SUGT1: variants seen among roughly 807,000 people sequenced by gnomAD.
SUGT1 encodes protein SGT1 homolog.
SUGT1 carries 15 observed loss-of-function variants against 56.1 expected under a neutral mutation model. The ratio of observed to expected loss-of-function variants is 0.27; its 90% confidence interval spans 0.18 to 0.41. SUGT1 has a LOEUF of 0.41. SUGT1 is among the 10% of genes least tolerant of loss of function. The probability of loss-of-function intolerance (pLI) is 1.00; values close to 1 mark genes in which losing one functional copy is unlikely to be tolerated. For missense variants in SUGT1, 347 were observed against 382.2 expected (o/e 0.91, Z 0.77); for synonymous variants, 123 against 128.6 (o/e 0.96, Z 0.30).
chr13:52,658,610 A>G, intron 4 of SUGT1, 142 bp downstream of exon 4: 1 of 718,026 alleles, frequency 1.4e-6, no homozygotes. Context: ...TCAATTTTAA[A>G]TACAACTTAT....
At position 52,679,958 on chromosome 13, in the gene SUGT1, T is replaced by A; in HGVS notation, c.719-16T>A. On this transcript the variant is annotated splice_polypyrimidine_tract_variant and intron_variant, in intron 11 of 12. Transcript: ENST00000310528. ...AACATGTTGATTAATTACTTCTGCC[T>A]TTTTTTACTTCATAGATGTAAAGAA... 1 of 1,561,636 alleles carries A rather than the reference T, an allele frequency of 6.4e-7. No individual in the cohort carries two copies. The highest frequency in any genetic ancestry group is 8.6e-7 in the Non-Finnish European group (1 of 1,162,118).
At chr13:52,686,550 A>T (rs1963596310) in intron 12 of SUGT1, among the ~76,000 whole-genome samples, 1 of 152,306 alleles carries the variant, frequency 6.6e-6, no homozygotes, top group African/African-American at 2.4e-5. Context: ...TGTTTGGAAG[A>T]TGACTAAGGA....
At chr13:52,675,033 C>T (rs1963088239) in intron 10 of SUGT1, among the ~76,000 whole-genome samples, 1 of 152,076 alleles carries the variant, frequency 6.6e-6, no homozygotes, top group Non-Finnish European at 1.5e-5. Context: ...CTTCTCAGTA[C>T]TCCCCGATGC....
rs1963698841 is a variant in SUGT1 at position 52,689,162 on chromosome 13, G to C, written c.*1327G>C. On this transcript the variant is annotated 3_prime_UTR_variant, in exon 13 of 13. Coordinates refer to ENST00000310528, the MANE Select transcript of SUGT1 (RefSeq NM_006704.5). ...GTCCTTTGTTGTGGGGTGTAGGGGA[G>C]TTACTAAGGAAAGTTTCAGTAAGGT... 1 of 152,128 alleles carries C rather than the reference G, an allele frequency of 6.6e-6. No homozygotes were observed. The highest frequency in any genetic ancestry group is 1.5e-5 in the Non-Finnish European group (1 of 68,048). The allele number at this position is 152,128 out of a possible 1,614,324, so 9.4% of individuals were successfully genotyped here. A position where few individuals can be genotyped will look rare whatever the true frequency, so the allele number is the denominator to read the frequency against.
At chr13:52,666,116 C>T (rs868442942) in intron 9 of SUGT1, among the ~76,000 whole-genome samples, 33 of 152,158 alleles carry the variant, frequency 2.2e-4, no homozygotes, top group African/African-American at 7.2e-5. Flanking sequence ...GAGACAGAGT[C>T]TCGCTCTTGC....
At chr13:52,677,700 ATTCTG>A (rs1339413351) in intron 11 of SUGT1, among the ~76,000 whole-genome samples, 2 of 136,784 alleles carry the variant, frequency 1.5e-5, no homozygotes, top group Non-Finnish European at 3.1e-5. Context: ...GGGTCCAGTT[ATTCTG>A]TTAACCCGTT....
intron 12 of SUGT1, among the ~76,000 whole-genome samples, chr13:52,686,100 G>A (rs1319941460): frequency 6.6e-6 from 1 of 151,912 alleles, no homozygotes; most frequent in Non-Finnish European, 1.5e-5. Flanking sequence ...GCTAATTTTT[G>A]TAGTTTTAGT....
Position 52,659,267 on chromosome 13 carries a change from T to G in SUGT1, c.328+18T>G. ...ATTAGATAGTAAGTATTAAAAATTA[T>G]ACTTTAATAAACTTATCTATTTCTG... On this transcript the variant is annotated intron_variant, in intron 5 of 12. Transcript: ENST00000310528. 1 of 1,394,158 alleles carries G rather than the reference T, an allele frequency of 7.2e-7. No homozygotes were observed. The highest frequency in any genetic ancestry group is 1.5e-5 in the African/African-American group (1 of 65,008). The allele number at this position is 1,394,158 out of a possible 1,614,324, so 86.4% of individuals were successfully genotyped here.
intron 4 of SUGT1, among the ~76,000 whole-genome samples, chr13:52,658,853 G>A (rs1374121444): frequency 6.7e-6 from 1 of 149,096 alleles, no homozygotes; most frequent in East Asian, 2.0e-4. Flanking sequence ...CGCTATATCT[G>A]TATACTTTAT....
intron 12 of SUGT1, among the ~76,000 whole-genome samples, chr13:52,686,201 T>C (rs1291106574): frequency 1.3e-5 from 2 of 152,174 alleles, no homozygotes; most frequent in African/African-American, 4.8e-5. Flanking sequence ...ATGCTGGAAT[T>C]ACAGGTGTGA....
Position 52,695,661 on chromosome 13 carries a change from G to A in SUGT1, c.*7826G>A, listed in dbSNP as rs1963908169. On this transcript the variant is annotated 3_prime_UTR_variant, in exon 13 of 13. Transcript: ENST00000310528. ...CAAGAGTTTTCAGAATTCAACCCCA[G>A]CCAAAATTTTTGGCCACATCTCTTG... The A allele has an allele frequency of 6.6e-6, 1 of 152,132 alleles. No individual in the cohort carries two copies. Among genetic ancestry groups the A allele is most frequent in the Admixed American group, 6.5e-5 (1 of 15,274 alleles). 9.4% of individuals were successfully genotyped at this position (152,132 alleles called of 1,614,324 possible).
chr13:52,665,433 A>T (rs1458304435), intron 8 of SUGT1, among the ~76,000 whole-genome samples: 4 of 152,222 alleles, frequency 2.6e-5, no homozygotes, highest in African/African-American at 4.8e-5. Context: ...GAAAGGTGTG[A>T]GCATCATTTA....
rs1282960186 is a variant in SUGT1, at chr13:52,691,077, G to C, written c.*3242G>C. 1 of 151,896 alleles carries C rather than the reference G, an allele frequency of 6.6e-6. No homozygotes were observed. The highest frequency in any genetic ancestry group is 1.5e-5 in the Non-Finnish European group (1 of 68,028). The allele number at this position is 151,896 out of a possible 1,614,324, so 9.4% of individuals were successfully genotyped here. On this transcript the variant is annotated 3_prime_UTR_variant, in exon 13 of 13. Coordinates refer to ENST00000310528, the MANE Select transcript of SUGT1 (RefSeq NM_006704.5). ...GGCTCACTGTAGCCTTAATCTTTCA[G>C]GCTCAAATGATTCTCCCATCTCAGC...
chr13:52,663,693 C>A (rs1314569696), intron 7 of SUGT1, among the ~76,000 whole-genome samples: 1 of 152,150 alleles, frequency 6.6e-6, no homozygotes, highest in Non-Finnish European at 1.5e-5. Context: ...TAGGAAGTTG[C>A]TGAATCTTAG....
In SUGT1 at chr13:52,657,706, A is replaced by T. The variant is rs1277984608; in HGVS notation, c.187+84A>T. 6 of 1,288,788 alleles carry T rather than the reference A, an allele frequency of 4.7e-6. No individual in the cohort carries two copies. In the East Asian group the frequency reaches 1.5e-4, roughly 32 times the overall value. 79.8% of individuals were successfully genotyped at this position (1,288,788 alleles called of 1,614,324 possible). A position where few individuals can be genotyped will look rare whatever the true frequency, so the allele number is the denominator to read the frequency against. On this transcript the variant is annotated intron_variant, in intron 3 of 12. Coordinates refer to ENST00000310528, the MANE Select transcript of SUGT1 (RefSeq NM_006704.5). ...CATGACAAATTAAAAGTTGTCTTTGAGAATTTTTAAATTGGTCTTTTATAC... is the reference window on the plus strand; with the variant it reads ...CATGACAAATTAAAAGTTGTCTTTGTGAATTTTTAAATTGGTCTTTTATAC...
At chr13:52,654,854 C>T (rs1200322399) in intron 2 of SUGT1, among the ~76,000 whole-genome samples, 1 of 152,204 alleles carries the variant, frequency 6.6e-6, no homozygotes, top group East Asian at 1.9e-4. Flanking sequence ...CAGTGGACAT[C>T]TGGGTTATTT....
chr13:52,696,168 AC>A lies in SUGT1; in HGVS notation c.*8335del, dbSNP rs2138197103. 6.6e-6 allele frequency: 1 copy of A among 152,404 alleles called. No homozygotes were observed. The highest frequency in any genetic ancestry group is 2.1e-4 in the South Asian group (1 of 4,822). 9.4% of individuals were successfully genotyped at this position (152,404 alleles called of 1,614,324 possible). On this transcript the variant is annotated 3_prime_UTR_variant, in exon 13 of 13. Transcript: ENST00000310528. ...TAGCTTCCATCTTTGTATGTGTAGCACCTGGTACATAGAGAACAGGCTCCCA... is the reference window on the plus strand; with the variant it reads ...TAGCTTCCATCTTTGTATGTGTAGCACTGGTACATAGAGAACAGGCTCCCA...
intron 12 of SUGT1, among the ~76,000 whole-genome samples, chr13:52,683,907 G>C (rs76523520): frequency 1.3e-5 from 2 of 152,126 alleles, no homozygotes; most frequent in East Asian, 3.9e-4. Context: ...TCTTGAGACG[G>C]CATTTTTCTA....
At chr13:52,666,687 A>C in intron 9 of SUGT1, 125 bp from the exon 10 acceptor site, 1 of 691,290 alleles carries the variant, frequency 1.4e-6, no homozygotes, top group Non-Finnish European at 2.4e-6. Context: ...CTTAAATCTA[A>C]AATTCCATAT....
Sources: allele counts gnomAD v4.1 joint callset (sites outside exome capture counted in the v4.1 genomes callset), GRCh38; gene constraint gnomAD v4.1.1; transcripts MANE v1.5; gene names NCBI Gene and HGNC (gene_info 2026-07-23, HGNC 2026-07-21).